Variants in JARID2 observed in about 807,000 individuals in gnomAD.
JARID2 encodes protein Jumonji.
In JARID2, 21 loss-of-function variants were observed where a neutral mutation model predicts 125.6. That is an observed-to-expected ratio of 0.17 (90% CI 0.12 to 0.24). The LOEUF is 0.24. Among genes scored for constraint, JARID2 ranks in the 10% least tolerant of loss-of-function variants. The probability of loss-of-function intolerance (pLI) is 1.00; values close to 1 mark genes in which losing one functional copy is unlikely to be tolerated. For missense variants in JARID2, 1,303 were observed against 1,639.6 expected (o/e 0.79, Z 3.55); for synonymous variants, 736 against 661.6 (o/e 1.11, Z -1.73).
At chr6:15,483,113 A>T (rs1769702694) in intron 5 of JARID2, among the ~76,000 whole-genome samples, 1 of 152,238 alleles carries the variant, frequency 6.6e-6, no homozygotes, top group South Asian at 2.1e-4. Context: ...CTAGTAACTA[A>T]GTAAAAACTA....
chr6:15,460,496 T>C (rs1228901660), intron 4 of JARID2, among the ~76,000 whole-genome samples: 1 of 152,212 alleles, frequency 6.6e-6, no homozygotes, highest in African/African-American at 2.4e-5. Context: ...ACTTTAAGTA[T>C]GGCAGTGCTG....
chr6:15,283,872 A>AT (rs1203010398), intron 1 of JARID2, among the ~76,000 whole-genome samples: 12 of 151,164 alleles, frequency 7.9e-5, no homozygotes, highest in Non-Finnish European at 1.5e-4. Context: ...TGCCCGGCTA[A>AT]TTTTTTTTGA....
chr6:15,436,172 C>G (rs1014963412), intron 3 of JARID2, among the ~76,000 whole-genome samples: 5 of 152,176 alleles, frequency 3.3e-5, no homozygotes, highest in African/African-American at 1.2e-4. Context: ...GACTCCCTTC[C>G]TTGAGGACAG....
rs141294636 is a variant in JARID2, at chr6:15,404,596, G to C, written c.182-5628G>C. On this transcript the variant is annotated intron_variant, in intron 2 of 17. Transcript: ENST00000341776. ...ACAGAAATTGCTGCTGAAAATGAAA[G>C]CTGTCTTTGGATGCTTGACTGTTTG... Among the ~76,000 whole-genome samples, 596 of 149,460 alleles carry C rather than the reference G, an allele frequency of 4.0e-3. 4 individuals carry two copies. The highest frequency in any genetic ancestry group is 0.024 in the Middle Eastern group (7 of 290).
intron 1 of JARID2, among the ~76,000 whole-genome samples, chr6:15,327,699 A>G (rs1762578880): frequency 6.6e-6 from 1 of 152,208 alleles, no homozygotes; most frequent in African/African-American, 2.4e-5. Flanking sequence ...TCTCTGGGGT[A>G]AAACAGCAGA....
At chr6:15,476,457 A>G (rs1769345740) in intron 5 of JARID2, among the ~76,000 whole-genome samples, 1 of 152,212 alleles carries the variant, frequency 6.6e-6, no homozygotes, top group African/African-American at 2.4e-5. Context: ...TCCGAGCAGG[A>G]GTCCTGATGC....
chr6:15,455,412 C>T (rs903711255), intron 4 of JARID2, among the ~76,000 whole-genome samples: 5 of 152,102 alleles, frequency 3.3e-5, no homozygotes, highest in African/African-American at 1.2e-4. Context: ...CAACATCCTC[C>T]TTCTGGGTGT....
chr6:15,379,383 G>T (rs1428623368), intron 2 of JARID2, among the ~76,000 whole-genome samples: 2 of 152,134 alleles, frequency 1.3e-5, no homozygotes, highest in East Asian at 3.8e-4. Context: ...CAAAAGCTTT[G>T]GAAAGGACTG....
At chr6:15,376,416 C>A (rs571425715) in intron 2 of JARID2, among the ~76,000 whole-genome samples, 2 of 152,196 alleles carry the variant, frequency 1.3e-5, no homozygotes, top group South Asian at 4.2e-4. Flanking sequence ...CTTGAGTGTG[C>A]TTTAAGAATC....
intron 1 of JARID2, among the ~76,000 whole-genome samples, chr6:15,275,521 A>ACCCC (rs1228449106): frequency 3.6e-3 from 45 of 12,602 alleles, no homozygotes; most frequent in African/African-American, 4.5e-3. Context: ...AAGTCCATTT[A>ACCCC]CCGCCCCCCC....
chr6:15,491,519 G>A (rs1459308356), intron 6 of JARID2, among the ~76,000 whole-genome samples: 1 of 152,226 alleles, frequency 6.6e-6, no homozygotes, highest in African/African-American at 2.4e-5. Flanking sequence ...CTCTCTCTGG[G>A]CCTCTGGTTC....
chr6:15,251,027 C>T (rs1283825682), intron 1 of JARID2, among the ~76,000 whole-genome samples: 9 of 146,338 alleles, frequency 6.2e-5, no homozygotes, highest in Non-Finnish European at 1.2e-4. Context: ...TTTTTGTTTC[C>T]TTTTTTTTTT....
intron 1 of JARID2, among the ~76,000 whole-genome samples, chr6:15,348,240 C>T (rs1179123092): frequency 1.3e-5 from 2 of 151,556 alleles, no homozygotes; most frequent in Non-Finnish European, 2.9e-5. Context: ...TACAGCCGCC[C>T]GCCACCACAC....
At chr6:15,292,360 A>G (rs1298161039) in intron 1 of JARID2, among the ~76,000 whole-genome samples, 1 of 152,016 alleles carries the variant, frequency 6.6e-6, no homozygotes, top group Non-Finnish European at 1.5e-5. Context: ...TTTTTCCATA[A>G]TAGCAATTTT....
intron 3 of JARID2, among the ~76,000 whole-genome samples, chr6:15,447,482 C>A (rs936371906): frequency 1.3e-5 from 2 of 152,210 alleles, no homozygotes; most frequent in Admixed American, 1.3e-4. Flanking sequence ...GGCAGGAAGG[C>A]CCATCCTGAC....
intron 1 of JARID2, among the ~76,000 whole-genome samples, chr6:15,251,754 G>A (rs531858555): frequency 7.3e-4 from 79 of 108,004 alleles, no homozygotes; most frequent in African/African-American, 3.4e-3. Context: ...TGAGGTGGGC[G>A]GATCATGAGG....
chr6:15,310,109 G>A (rs1761965197), intron 1 of JARID2, among the ~76,000 whole-genome samples: 1 of 152,148 alleles, frequency 6.6e-6, no homozygotes. Context: ...GATGGGCTGG[G>A]GCTGGGTGTC....
intron 3 of JARID2, among the ~76,000 whole-genome samples, chr6:15,416,189 T>G (rs1581530979): frequency 1.3e-5 from 2 of 149,988 alleles, no homozygotes; most frequent in African/African-American, 4.9e-5. Flanking sequence ...GCAGAGACGC[T>G]CCTCACTTTC....
chr6:15,386,592 C>A (rs1764798495), intron 2 of JARID2, among the ~76,000 whole-genome samples: 1 of 152,206 alleles, frequency 6.6e-6, no homozygotes, highest in Admixed American at 6.5e-5. Context: ...CTCCTACTGG[C>A]ATTACAGGCG....
Sources: allele counts gnomAD v4.1 joint callset (sites outside exome capture counted in the v4.1 genomes callset), GRCh38; gene constraint gnomAD v4.1.1; transcripts MANE v1.5; gene names NCBI Gene and HGNC (gene_info 2026-07-23, HGNC 2026-07-21).